Variants in KIF6 observed in about 807,000 individuals in gnomAD.
KIF6 encodes the protein kinesin family member 6.
In KIF6, 106 loss-of-function variants were observed where a neutral mutation model predicts 112.7. The ratio of observed to expected loss-of-function variants is 0.94; its 90% CI spans 0.80 to 1.11. The LOEUF is 1.11. Among genes scored for constraint, KIF6 ranks in the 50% least tolerant of loss-of-function variants. The probability of loss-of-function intolerance (pLI) is 0.00; values close to 1 mark genes in which losing one functional copy is unlikely to be tolerated. For synonymous variants in KIF6, 339 were observed against 339.9 expected, an observed-to-expected ratio of 1.00 and a Z score of 0.03; for missense variants, 929 against 964.0, an observed-to-expected ratio of 0.96 and a Z score of 0.48.
At chr6:39,723,683 G>T (rs923921528) in intron 1 of KIF6, among the ~76,000 whole-genome samples, 10 of 152,242 alleles carry the variant, frequency 6.6e-5, no homozygotes, top group Admixed American at 2.6e-4. Flanking sequence ...TCATAAGTGG[G>T]AGCTGAACAA....
chr6:39,616,566 C>T (rs1582279530), intron 5 of KIF6, among the ~76,000 whole-genome samples: 1 of 152,326 alleles, frequency 6.6e-6, no homozygotes, highest in East Asian at 1.9e-4. Flanking sequence ...ACAATCTTCC[C>T]TCACCAATCA....
At position 39,357,163 on chromosome 6, in the gene KIF6, C is replaced by G. The variant is rs1046431553; in HGVS notation, c.2180+114G>C. 6 of 649,850 alleles carry G rather than the reference C, an allele frequency of 9.2e-6. No homozygotes were observed. In the African/African-American group the frequency reaches 1.1e-4, roughly 12 times the overall value. The allele number at this position is 649,850 out of a possible 1,614,324, so 40.3% of individuals were successfully genotyped here. On this transcript the variant is annotated intron_variant, in intron 19 of 22. Transcript: ENST00000287152. The stretch of plus-strand genomic sequence containing the variant: ...TAATTAAACAGTAAAAGGAATTAAT[C>G]CTGCTGGATCATATGGCTTATCAAG...
At chr6:39,677,327 G>A (rs185978063) in intron 3 of KIF6, among the ~76,000 whole-genome samples, 1 of 152,094 alleles carries the variant, frequency 6.6e-6, no homozygotes, top group South Asian at 2.1e-4. Context: ...AGAATTACAA[G>A]TAGAAATATA....
intron 14 of KIF6, among the ~76,000 whole-genome samples, chr6:39,421,655 T>C (rs953131409): frequency 6.6e-6 from 1 of 152,168 alleles, no homozygotes; most frequent in Admixed American, 6.5e-5. Context: ...GACAGGAGGT[T>C]TCCAGGGAAG....
chr6:39,530,004 C>T (rs1024262816), intron 13 of KIF6, among the ~76,000 whole-genome samples: 1 of 152,168 alleles, frequency 6.6e-6, no homozygotes, highest in African/African-American at 2.4e-5. Flanking sequence ...GTATTTCTTC[C>T]AATTCCTGCT....
At chr6:39,707,116 A>G (rs1789253401) in intron 3 of KIF6, among the ~76,000 whole-genome samples, 1 of 152,226 alleles carries the variant, frequency 6.6e-6, no homozygotes, top group Non-Finnish European at 1.5e-5. Context: ...GTATAGTTCT[A>G]TGCCGTTTTC....
intron 13 of KIF6, among the ~76,000 whole-genome samples, chr6:39,504,307 C>T (rs1339876989): frequency 6.6e-6 from 1 of 152,090 alleles, no homozygotes; most frequent in Non-Finnish European, 1.5e-5. Context: ...AATTCAATAT[C>T]CCTTCATGTT....
chr6:39,420,011 G>A lies in KIF6; in HGVS notation c.1755-8C>T. 2 of 1,603,960 alleles carry A rather than the reference G, an allele frequency of 1.2e-6. No individual in the cohort carries two copies. The highest frequency in any genetic ancestry group is 1.7e-6 in the Non-Finnish European group (2 of 1,172,224). On this transcript the variant is annotated splice_region_variant and splice_polypyrimidine_tract_variant and intron_variant, in intron 14 of 22. Coordinates refer to ENST00000287152, the MANE Select transcript of KIF6 (RefSeq NM_145027.6). ...GCCTTGGCTTCAGAAAATCTGGAGG[G>A]GAAAAAAATGAAAATTGTAGTTTTT...
chr6:39,340,738 C>T (rs1008114481), intron 22 of KIF6, among the ~76,000 whole-genome samples: 1 of 152,148 alleles, frequency 6.6e-6, no homozygotes, highest in South Asian at 2.1e-4. Context: ...CAGGAGGACA[C>T]CACTCTGACA....
chr6:39,576,377 G>A (rs1295832784), intron 10 of KIF6, among the ~76,000 whole-genome samples: 1 of 152,190 alleles, frequency 6.6e-6, no homozygotes, highest in Admixed American at 6.5e-5. Flanking sequence ...ACCCGCCTCA[G>A]CCTCCCAAAG....
Position 39,333,909 on chromosome 6 carries a change from A to T in KIF6, c.*2623T>A. On this transcript the variant is annotated 3_prime_UTR_variant, in exon 23 of 23. Transcript: ENST00000287152. ...AGAGTGAACTCAGATACTTCTTGTC[A>T]TCCGTGGCTCCACTGATCCCAGGTG... The T allele has an allele frequency of 6.6e-6, 1 of 152,236 alleles. No individual in the cohort carries two copies. Among genetic ancestry groups the T allele is most frequent in the Non-Finnish European group, 1.5e-5 (1 of 68,048 alleles). 9.4% of individuals were successfully genotyped at this position (152,236 alleles called of 1,614,324 possible). A position where few individuals can be genotyped will look rare whatever the true frequency, so the allele number is the denominator to read the frequency against.
At chr6:39,416,100 C>T (rs533432265) in intron 15 of KIF6, among the ~76,000 whole-genome samples, 1 of 152,226 alleles carries the variant, frequency 6.6e-6, no homozygotes, top group Non-Finnish European at 1.5e-5. Context: ...CAAGAGGTGT[C>T]AGTCAAGCTC....
chr6:39,391,018 C>T (rs1767843056), intron 15 of KIF6, among the ~76,000 whole-genome samples: 1 of 152,148 alleles, frequency 6.6e-6, no homozygotes, highest in Non-Finnish European at 1.5e-5. Context: ...ATTCATGTCC[C>T]CCTTGCTAAT....
chr6:39,703,946 A>G (rs1789033177), intron 3 of KIF6, among the ~76,000 whole-genome samples: 1 of 152,200 alleles, frequency 6.6e-6, no homozygotes, highest in South Asian at 2.1e-4. Context: ...GAGGCTATCA[A>G]GGTGAGAAAT....
chr6:39,596,623 T>A lies in KIF6; in HGVS notation c.640-363A>T, dbSNP rs192593774. 2.4e-4 allele frequency among the ~76,000 whole-genome samples: 36 copies of A among 152,274 alleles called. 1 individual carries two copies. In the East Asian group the frequency reaches 6.2e-3, roughly 26 times the overall value. On this transcript the variant is annotated intron_variant, in intron 6 of 22. Transcript: ENST00000287152. ...AATCTCATGGGAAAAGAGGTGAGAA[T>A]GTGTGTATCAGAAAAATTCATGATC...
intron 3 of KIF6, among the ~76,000 whole-genome samples, chr6:39,659,517 T>C (rs1786004299): frequency 6.6e-6 from 1 of 152,144 alleles, no homozygotes; most frequent in Non-Finnish European, 1.5e-5. Context: ...CATCTTGAAT[T>C]GTAGTTCCCA....
chr6:39,393,318 TG>T (rs1297375138), intron 15 of KIF6, among the ~76,000 whole-genome samples: 1 of 152,254 alleles, frequency 6.6e-6, no homozygotes. Context: ...TGCATCCAGC[TG>T]GGCCACTTAC....
chr6:39,643,682 CA>C (rs1315346779), intron 3 of KIF6, among the ~76,000 whole-genome samples: 1 of 152,054 alleles, frequency 6.6e-6, no homozygotes, highest in African/African-American at 2.4e-5. Context: ...CAAAACGAAT[CA>C]CAGACCTAAT....
chr6:39,651,131 G>T (rs1785445607), intron 3 of KIF6, among the ~76,000 whole-genome samples: 2 of 152,138 alleles, frequency 1.3e-5, no homozygotes, highest in South Asian at 4.1e-4. Context: ...AGCATTTAAA[G>T]AAAGTCTTCT....
Sources: allele counts gnomAD v4.1 joint callset (sites outside exome capture counted in the v4.1 genomes callset), GRCh38; gene constraint gnomAD v4.1.1; transcripts MANE v1.5; gene names NCBI Gene and HGNC (gene_info 2026-07-23, HGNC 2026-07-21).